Variants in UBR3 observed in about 807,000 individuals in gnomAD.
UBR3 encodes the protein E3 ubiquitin-protein ligase UBR3.
UBR3 carries 85 observed loss-of-function variants against 243.2 expected under a neutral mutation model. The observed-to-expected ratio is 0.35, with a 90% CI of 0.29 to 0.42. The LOEUF (loss-of-function observed/expected upper bound fraction) is 0.42. Ranked by LOEUF, UBR3 falls within the 10% of genes least tolerant of loss-of-function variation. The pLI is 1.00. For synonymous variants in UBR3, 748 were observed against 799.8 expected (o/e 0.94, Z 1.09); for missense variants, 1,686 against 2,300.8 (o/e 0.73, Z 5.47).
intron 17 of UBR3, 25 bp from the exon 18 acceptor site, chr2:169,928,702 A>AT: frequency 1.4e-6 from 2 of 1,438,020 alleles, no homozygotes; most frequent in Non-Finnish European, 9.3e-7. Flanking sequence ...TGTTACTAAT[A>AT]TTTTTTTCTT....
At chr2:169,843,598 A>G (rs558754795) in intron 1 of UBR3, among the ~76,000 whole-genome samples, 7 of 152,368 alleles carry the variant, frequency 4.6e-5, no homozygotes, top group African/African-American at 1.4e-4. Flanking sequence ...TACACATGGA[A>G]TAATTATTGA....
At chr2:170,059,363 A>C (rs1461428639) in intron 33 of UBR3, among the ~76,000 whole-genome samples, 1 of 152,200 alleles carries the variant, frequency 6.6e-6, no homozygotes, top group Non-Finnish European at 1.5e-5. Flanking sequence ...TTTTACTCAG[A>C]AAAGTATATT....
chr2:170,018,599 A>T (rs1362888076), intron 30 of UBR3, among the ~76,000 whole-genome samples: 1 of 152,192 alleles, frequency 6.6e-6, no homozygotes, highest in Admixed American at 6.5e-5. Context: ...TCCAGCAGTG[A>T]ATTTCCTAGA....
chr2:169,838,385 ATTTGTGTGTGTGTG>A lies in UBR3; in HGVS notation c.545+10335_545+10348del, dbSNP rs1405225191. ...AAGCTGGGAAGTCCAAGATTAAGGC[ATTTGTGTGTGTGTG>A]TGTGTGTGTGTGTGTGTGTGTGTGT... On this transcript the variant is annotated intron_variant, in intron 1 of 38. Coordinates refer to ENST00000272793, the MANE Select transcript of UBR3 (RefSeq NM_172070.4). Among the ~76,000 whole-genome samples the A allele has an allele frequency of 8.0e-4, 106 of 131,680 alleles. 1 individual carries two copies. Among genetic ancestry groups the A allele is most frequent in the African/African-American group, 1.8e-3 (58 of 32,900 alleles). 86.4% of individuals were successfully genotyped at this position (131,680 alleles called of 152,430 possible).
intron 14 of UBR3, among the ~76,000 whole-genome samples, chr2:169,926,458 C>T (rs2085912970): frequency 6.6e-6 from 1 of 152,020 alleles, no homozygotes; most frequent in South Asian, 2.1e-4. Context: ...TGTGGTGGCA[C>T]ACACCTGTAA....
rs1228618560 is a variant in UBR3 at position 169,891,283 on chromosome 2, T to G, written c.1105+52T>G. 12 of 1,397,866 alleles carry G rather than the reference T, an allele frequency of 8.6e-6. No homozygotes were observed. In the Admixed American group the frequency reaches 1.0e-4, roughly 12 times the overall value. 86.6% of individuals were successfully genotyped at this position (1,397,866 alleles called of 1,614,324 possible). A position where few individuals can be genotyped will look rare whatever the true frequency, so the allele number is the denominator to read the frequency against. On this transcript the variant is annotated intron_variant, in intron 6 of 38. Coordinates refer to ENST00000272793, the MANE Select transcript of UBR3 (RefSeq NM_172070.4). ...CCTTGAATAAAATGCTTCTAAAAAA[T>G]GCCTAATCACTAAAAATACTTGATG...
At chr2:169,963,029 G>A (rs1034991841) in intron 24 of UBR3, among the ~76,000 whole-genome samples, 4 of 152,168 alleles carry the variant, frequency 2.6e-5, no homozygotes, top group African/African-American at 9.7e-5. Flanking sequence ...GCGCCCAGAT[G>A]CTAACATTCA....
intron 36 of UBR3, chr2:170,077,325 C>T (rs2091830410): frequency 2.5e-6 from 2 of 813,822 alleles, no homozygotes; most frequent in African/African-American, 1.7e-5. Flanking sequence ...GTCACAAGGC[C>T]CAACTCACAT....
chr2:169,994,909 T>C (rs564818149), intron 26 of UBR3, among the ~76,000 whole-genome samples: 62 of 152,266 alleles, frequency 4.1e-4, no homozygotes, highest in Admixed American at 8.5e-4. Flanking sequence ...CATGTCTAAA[T>C]TGTCCTGGTA....
chr2:169,941,054 G>C (rs2086563188), intron 19 of UBR3, among the ~76,000 whole-genome samples: 1 of 152,120 alleles, frequency 6.6e-6, no homozygotes, highest in Non-Finnish European at 1.5e-5. Context: ...TGATGATTCA[G>C]GATCACCTGA....
At chr2:169,905,837 A>G (rs1300492750) in intron 9 of UBR3, among the ~76,000 whole-genome samples, 194 bp from the exon 10 acceptor site, 2 of 152,248 alleles carry the variant, frequency 1.3e-5, no homozygotes, top group Admixed American at 1.3e-4. Flanking sequence ...TGTTTCTAAG[A>G]AAACCTAGTT....
chr2:169,877,158 C>T (rs1204947487), intron 3 of UBR3, among the ~76,000 whole-genome samples: 3 of 152,162 alleles, frequency 2.0e-5, no homozygotes, highest in Non-Finnish European at 4.4e-5. Flanking sequence ...TATTATCTAC[C>T]ATATTACCTC....
chr2:170,074,533 A>G (rs1015665038), intron 36 of UBR3, among the ~76,000 whole-genome samples: 1 of 152,100 alleles, frequency 6.6e-6, no homozygotes, highest in Admixed American at 6.6e-5. Flanking sequence ...CTCTGCCATT[A>G]CCTTGCTCAA....
At chr2:169,968,896 T>C (rs1258461580) in intron 24 of UBR3, among the ~76,000 whole-genome samples, 1 of 152,184 alleles carries the variant, frequency 6.6e-6, no homozygotes, top group African/African-American at 2.4e-5. Flanking sequence ...TGGGGTGAGA[T>C]GGATGATATC....
chr2:169,851,634 GGGGA>G (rs2082660184), intron 1 of UBR3, among the ~76,000 whole-genome samples: 3 of 152,032 alleles, frequency 2.0e-5, no homozygotes, highest in African/African-American at 7.2e-5. Flanking sequence ...GGGAGGCTGA[GGGGA>G]GCGGATCACA....
At chr2:170,074,240 A>C (rs1243086210) in intron 36 of UBR3, among the ~76,000 whole-genome samples, 1 of 152,202 alleles carries the variant, frequency 6.6e-6, no homozygotes, top group Non-Finnish European at 1.5e-5. Flanking sequence ...TGGTGAAAAA[A>C]ATCTAGACTA....
chr2:170,034,511 CTCATTTCTATAT>C (rs1188074061), intron 31 of UBR3, among the ~76,000 whole-genome samples: 1 of 151,932 alleles, frequency 6.6e-6, no homozygotes. Context: ...GGCTTGATAG[CTCATTTCTATAT>C]AATAGAAATA....
intron 24 of UBR3, among the ~76,000 whole-genome samples, chr2:169,961,566 T>C (rs1007852692): frequency 3.3e-5 from 5 of 152,174 alleles, no homozygotes; most frequent in Non-Finnish European, 7.3e-5. Context: ...TCACACTTGA[T>C]TGTTCATTTA....
intron 24 of UBR3, among the ~76,000 whole-genome samples, chr2:169,960,203 C>T (rs2087501610): frequency 7.8e-6 from 1 of 128,640 alleles, no homozygotes; most frequent in Admixed American, 9.0e-5. Context: ...GAGCCAAGAT[C>T]ATGCCATTGC....
Sources: allele counts gnomAD v4.1 joint callset (sites outside exome capture counted in the v4.1 genomes callset), GRCh38; gene constraint gnomAD v4.1.1; transcripts MANE v1.5; gene names NCBI Gene and HGNC (gene_info 2026-07-23, HGNC 2026-07-21).